The following VWC2 variants were observed in gnomAD, a reference collection of about 807,000 sequenced individuals.
The protein encoded by VWC2 is von Willebrand factor C domain containing 2.
A neutral mutation model predicts 29.8 loss-of-function variants in VWC2; 14 were observed. The observed-to-expected ratio is 0.47, with a 90% confidence interval of 0.31 to 0.74. VWC2 has a LOEUF of 0.74. VWC2 is among the 30% of genes least tolerant of loss of function. The probability of loss-of-function intolerance (pLI) is 0.05; values close to 1 mark genes in which losing one functional copy is unlikely to be tolerated. For synonymous variants in VWC2, 213 were observed against 199.0 expected (o/e 1.07, Z -0.59); for missense variants, 457 against 459.8 (o/e 0.99, Z 0.05).
intron 3 of VWC2, among the ~76,000 whole-genome samples, chr7:49,872,368 A>G (rs1791194433): frequency 6.6e-6 from 1 of 152,170 alleles, no homozygotes; most frequent in Admixed American, 6.5e-5. Context: ...AATGACAGAA[A>G]TGGTGTCAAG....
chr7:49,774,453 G>A (rs1788007947), intron 1 of VWC2, among the ~76,000 whole-genome samples: 1 of 152,224 alleles, frequency 6.6e-6, no homozygotes, highest in South Asian at 2.1e-4. Flanking sequence ...CAGCCCCTTT[G>A]GGCGGCAGAA....
intron 3 of VWC2, among the ~76,000 whole-genome samples, chr7:49,902,373 T>C (rs779007155): frequency 3.0e-4 from 45 of 152,142 alleles, no homozygotes; most frequent in South Asian, 6.2e-4. Flanking sequence ...ATCTATTGTA[T>C]TGTGAAGAGG....
intron 2 of VWC2, among the ~76,000 whole-genome samples, chr7:49,792,186 A>C (rs1323734365): frequency 6.6e-6 from 1 of 152,308 alleles, no homozygotes; most frequent in Non-Finnish European, 1.5e-5. Flanking sequence ...GTTTCCCGGA[A>C]TCAGTCCCCC....
intron 3 of VWC2, among the ~76,000 whole-genome samples, chr7:49,809,140 A>C (rs747556458): frequency 6.6e-6 from 1 of 152,018 alleles, no homozygotes; most frequent in Admixed American, 6.5e-5. Flanking sequence ...CAAAACTTTC[A>C]CTAAACTAAC....
chr7:49,881,103 C>T (rs964248604), intron 3 of VWC2, among the ~76,000 whole-genome samples: 6 of 152,234 alleles, frequency 3.9e-5, no homozygotes, highest in African/African-American at 1.4e-4. Flanking sequence ...GGCCTCAGTT[C>T]TCTCAGCCTG....
chr7:49,846,479 T>G (rs1789950618), intron 3 of VWC2, among the ~76,000 whole-genome samples: 1 of 152,150 alleles, frequency 6.6e-6, no homozygotes, highest in African/African-American at 2.4e-5. Flanking sequence ...TGCATATGCC[T>G]TTTTCTGTGC....
rs11294642 is a variant in VWC2, at chr7:49,841,309, C to CT, written c.826+38485dup. ...AACAGCCTAAGATGTTTACACATTA[C>CT]TTTTTTTTTTTTTTTTAAAGTAAGA... On this transcript the variant is annotated intron_variant, in intron 3 of 3. Coordinates refer to ENST00000340652, the MANE Select transcript of VWC2 (RefSeq NM_198570.5). Among the ~76,000 whole-genome samples, 595 of 145,786 alleles carry CT rather than the reference C, an allele frequency of 4.1e-3. 5 individuals carry two copies. Among genetic ancestry groups the CT allele is most frequent in the African/African-American group, 1.0e-2 (395 of 39,656 alleles).
intron 3 of VWC2, among the ~76,000 whole-genome samples, chr7:49,875,369 C>CAAAAAAAAAAAAAAAAAAAAAAAAAAAAA: frequency 5.3e-5 from 1 of 19,016 alleles, no homozygotes; most frequent in Non-Finnish European, 8.5e-5. Flanking sequence ...GATTCTGACT[C>CAAAAAAAAAAAAAAAAAAAAAAAAAAAAA]AAAAAAAAAA....
At chr7:49,877,481 A>AAAATATATATATATATATATATATAT in intron 3 of VWC2, among the ~76,000 whole-genome samples, 1 of 12,722 alleles carries the variant, frequency 7.9e-5, no homozygotes, top group African/African-American at 2.8e-4. Flanking sequence ...AAAAAAAAAA[A>AAAATATATATATATATATATATATAT]ATATATATAT....
chr7:49,806,484 T>TATTATTTGC (rs1487200364), intron 3 of VWC2, among the ~76,000 whole-genome samples: 11 of 152,222 alleles, frequency 7.2e-5, no homozygotes, highest in African/African-American at 2.7e-4. Flanking sequence ...ACCTGATGAT[T>TATTATTTGC]ATTATTTGCA....
chr7:49,872,915 C>CAAAAAAAAAAAAAAAAAAAA, intron 3 of VWC2, among the ~76,000 whole-genome samples: 45 of 33,936 alleles, frequency 1.3e-3, no homozygotes, highest in South Asian at 3.3e-3. Flanking sequence ...GACTTTGTCT[C>CAAAAAAAAAAAAAAAAAAAA]AAAAAAAAAA....
At chr7:49,830,328 G>A (rs141920691) in intron 3 of VWC2, among the ~76,000 whole-genome samples, 1 of 152,232 alleles carries the variant, frequency 6.6e-6, no homozygotes, top group East Asian at 1.9e-4. Context: ...TTCACTGGGG[G>A]GTGATGAGGG....
At chr7:49,888,030 G>A (rs892713435) in intron 3 of VWC2, among the ~76,000 whole-genome samples, 20 of 152,308 alleles carry the variant, frequency 1.3e-4, no homozygotes, top group African/African-American at 4.8e-4. Flanking sequence ...TGTTGCTAGA[G>A]GCAGGCTCAT....
At chr7:49,803,616 G>C (rs1328037923) in intron 3 of VWC2, among the ~76,000 whole-genome samples, 1 of 152,170 alleles carries the variant, frequency 6.6e-6, no homozygotes, top group Non-Finnish European at 1.5e-5. Flanking sequence ...TGTTGCCCAG[G>C]GTATGCTGTG....
intron 3 of VWC2, among the ~76,000 whole-genome samples, chr7:49,897,701 T>A (rs1483550592): frequency 6.6e-6 from 1 of 152,200 alleles, no homozygotes; most frequent in Non-Finnish European, 1.5e-5. Context: ...GAAAGCTCCA[T>A]GGGAACCAGT....
At chr7:49,853,919 A>G (rs1160486785) in intron 3 of VWC2, among the ~76,000 whole-genome samples, 2 of 138,878 alleles carry the variant, frequency 1.4e-5, no homozygotes, top group Non-Finnish European at 3.0e-5. Context: ...CTGTGTCCAA[A>G]TGTTTTCATT....
At chr7:49,863,446 T>G (rs1044996848) in intron 3 of VWC2, among the ~76,000 whole-genome samples, 25 of 152,278 alleles carry the variant, frequency 1.6e-4, no homozygotes, top group Middle Eastern at 6.8e-3. Context: ...TTTCTTTTCT[T>G]TTTTGAGACA....
In VWC2 at chr7:49,775,762, G is replaced by T. The variant is rs759181449; in HGVS notation, c.327G>T (p.Leu109=). 14 of 1,515,514 alleles carry T rather than the reference G, an allele frequency of 9.2e-6. No individual in the cohort carries two copies. Among genetic ancestry groups the T allele is most frequent in the Non-Finnish European group, 1.1e-5 (12 of 1,133,960 alleles). 93.9% of individuals were successfully genotyped at this position (1,515,514 alleles called of 1,614,324 possible). ...GCGGGGGCGCCAAGGCCGGGGATCT[G>T]CAGGTCCGGCCCCGCGGGGACACCC... The part of the protein sequence containing the change: ...SQGGGAKAGD[L]QVRPRGDTPQ... The change falls in exon 2 of 4, where the codon CTG becomes CTT. Residue 109 remains leucine, a synonymous_variant. Transcript: ENST00000340652.
intron 3 of VWC2, among the ~76,000 whole-genome samples, chr7:49,860,039 T>G (rs1400341494): frequency 6.6e-6 from 1 of 152,150 alleles, no homozygotes; most frequent in Non-Finnish European, 1.5e-5. Flanking sequence ...CTTTAAAGTT[T>G]CATAATTTTA....
Sources: allele counts gnomAD v4.1 joint callset (sites outside exome capture counted in the v4.1 genomes callset), GRCh38; gene constraint gnomAD v4.1.1; transcripts MANE v1.5; gene names NCBI Gene and HGNC (gene_info 2026-07-23, HGNC 2026-07-21).